BICC1: variants seen among roughly 807,000 people sequenced by gnomAD.
The protein encoded by BICC1 is BicC family RNA binding protein 1.
BICC1 carries 43 observed loss-of-function variants against 111.0 expected under a neutral mutation model. That is an observed-to-expected ratio of 0.39 (90% CI 0.30 to 0.50). The LOEUF is 0.50. Among genes scored for constraint, BICC1 ranks in the 20% least tolerant of loss-of-function variants. The pLI is 0.88. For missense variants in BICC1, 1,091 were observed against 1,203.2 expected, an observed-to-expected ratio of 0.91 and a Z score of 1.38; for synonymous variants, 467 against 434.4, an observed-to-expected ratio of 1.07 and a Z score of -0.93.
At chr10:58,678,385 G>A (rs1383217329) in intron 2 of BICC1, among the ~76,000 whole-genome samples, 1 of 152,112 alleles carries the variant, frequency 6.6e-6, no homozygotes, top group Non-Finnish European at 1.5e-5. Flanking sequence ...AAAAAAAGCA[G>A]GGGTTGCAAT....
intron 2 of BICC1, among the ~76,000 whole-genome samples, chr10:58,676,398 A>G (rs941665073): frequency 1.3e-5 from 2 of 152,182 alleles, no homozygotes; most frequent in African/African-American, 4.8e-5. Context: ...CTGGCAGCAC[A>G]GCATTCTCAA....
intron 2 of BICC1, among the ~76,000 whole-genome samples, chr10:58,633,290 C>T (rs372844880): frequency 9.2e-5 from 14 of 152,262 alleles, no homozygotes; most frequent in South Asian, 2.1e-4. Context: ...ATAAATTACC[C>T]GGTCTTGGGT....
chr10:58,623,634 G>T (rs1845896029), intron 2 of BICC1, among the ~76,000 whole-genome samples: 1 of 152,158 alleles, frequency 6.6e-6, no homozygotes, highest in African/African-American at 2.4e-5. Context: ...TGTGTCCCAT[G>T]CTGTCATTCA....
intron 3 of BICC1, among the ~76,000 whole-genome samples, chr10:58,710,705 C>T (rs1840545761): frequency 6.6e-6 from 1 of 151,924 alleles, no homozygotes; most frequent in African/African-American, 2.4e-5. Context: ...TTATAAATTG[C>T]TTGTTGTGTT....
chr10:58,561,458 T>C (rs1236720373), intron 1 of BICC1, among the ~76,000 whole-genome samples: 1 of 152,062 alleles, frequency 6.6e-6, no homozygotes, highest in Non-Finnish European at 1.5e-5. Context: ...ATGAGTTTCT[T>C]ATATGCATAT....
intron 3 of BICC1, among the ~76,000 whole-genome samples, chr10:58,747,972 C>G (rs951662028): frequency 6.6e-6 from 1 of 152,086 alleles, no homozygotes; most frequent in African/African-American, 2.4e-5. Context: ...TCCAAATGGC[C>G]TACAAAGCCT....
At chr10:58,796,946 G>T (rs1026860221) in intron 10 of BICC1, among the ~76,000 whole-genome samples, 1 of 151,506 alleles carries the variant, frequency 6.6e-6, no homozygotes, top group African/African-American at 2.4e-5. Context: ...GGGGAGGGGG[G>T]TGAAAATAAG....
At chr10:58,576,835 TGAGA>T (rs1346928215) in intron 1 of BICC1, among the ~76,000 whole-genome samples, 1 of 152,130 alleles carries the variant, frequency 6.6e-6, no homozygotes, top group African/African-American at 2.4e-5. Flanking sequence ...GACAAAATAA[TGAGA>T]GAGAAAGAAA....
intron 3 of BICC1, among the ~76,000 whole-genome samples, chr10:58,742,915 G>T (rs1001140860): frequency 1.3e-5 from 2 of 152,142 alleles, no homozygotes; most frequent in African/African-American, 4.8e-5. Context: ...CAGAGCCATT[G>T]CCCACACCTT....
At chr10:58,684,259 C>T (rs1357001674) in intron 2 of BICC1, among the ~76,000 whole-genome samples, 1 of 152,154 alleles carries the variant, frequency 6.6e-6, no homozygotes, top group Non-Finnish European at 1.5e-5. Context: ...TTTTGATGTG[C>T]TGCTGGATTC....
At chr10:58,795,649 A>G (rs1375311068) in intron 9 of BICC1, among the ~76,000 whole-genome samples, 3 of 148,630 alleles carry the variant, frequency 2.0e-5, no homozygotes, top group Admixed American at 1.3e-4. Flanking sequence ...TCTCAGCCAC[A>G]ATTTTTTTTT....
At chr10:58,519,939 A>G (rs570918011) in intron 1 of BICC1, among the ~76,000 whole-genome samples, 3 of 152,000 alleles carry the variant, frequency 2.0e-5, no homozygotes, top group Non-Finnish European at 4.4e-5. Context: ...CCCTCCTCCC[A>G]CTGTCCACAC....
At chr10:58,804,136 C>T (rs1843640055) in intron 15 of BICC1, among the ~76,000 whole-genome samples, 1 of 152,032 alleles carries the variant, frequency 6.6e-6, no homozygotes, top group South Asian at 2.1e-4. Context: ...TTTTTTAATC[C>T]TTTGCATTGG....
intron 1 of BICC1, among the ~76,000 whole-genome samples, chr10:58,538,411 G>A (rs1842878747): frequency 6.6e-6 from 1 of 151,990 alleles, no homozygotes; most frequent in African/African-American, 2.4e-5. Context: ...TGGGAAAATT[G>A]AATAGCCACA....
At chr10:58,553,855 TAAAA>T (rs571884028) in intron 1 of BICC1, among the ~76,000 whole-genome samples, 23 of 151,322 alleles carry the variant, frequency 1.5e-4, no homozygotes, top group African/African-American at 5.3e-4. Context: ...TACAAAAATG[TAAAA>T]AAAACCAGTC....
At chr10:58,514,850 A>G (rs528120529) in intron 1 of BICC1, among the ~76,000 whole-genome samples, 3 of 152,212 alleles carry the variant, frequency 2.0e-5, no homozygotes, top group Non-Finnish European at 4.4e-5. Context: ...TTATGATTAT[A>G]AAACAAAATA....
At chr10:58,814,050 G>A in intron 18 of BICC1, 64 bp downstream of exon 18, 1 of 1,576,930 alleles carries the variant, frequency 6.3e-7, no homozygotes, top group Non-Finnish European at 8.7e-7. Context: ...TATTTGGGTT[G>A]GAGTATCACT....
chr10:58,539,307 G>A (rs1443089326), intron 1 of BICC1, among the ~76,000 whole-genome samples: 2 of 151,828 alleles, frequency 1.3e-5, no homozygotes, highest in South Asian at 2.1e-4. Flanking sequence ...AATCCAACAT[G>A]TTCTCATTTA....
intron 1 of BICC1, among the ~76,000 whole-genome samples, chr10:58,567,030 G>T (rs1179542320): frequency 6.6e-6 from 1 of 152,134 alleles, no homozygotes; most frequent in East Asian, 1.9e-4. Flanking sequence ...AAAACTGATT[G>T]TACTCTGGTA....
Sources: allele counts gnomAD v4.1 joint callset (sites outside exome capture counted in the v4.1 genomes callset), GRCh38; gene constraint gnomAD v4.1.1; transcripts MANE v1.5; gene names NCBI Gene and HGNC (gene_info 2026-07-23, HGNC 2026-07-21).